CUL2: variants seen among roughly 807,000 people sequenced by gnomAD.
CUL2 encodes the protein cullin-2.
CUL2 carries 22 observed loss-of-function variants against 110.2 expected under a neutral mutation model. The ratio of observed to expected loss-of-function variants is 0.20; its 90% CI spans 0.14 to 0.28. The LOEUF (loss-of-function observed/expected upper bound fraction) is 0.28, where lower values mean the gene tolerates loss of function less well. Ranked by LOEUF, CUL2 falls within the 10% of genes least tolerant of loss-of-function variation. The pLI is 1.00. For missense variants in CUL2, 631 were observed against 905.5 expected (o/e 0.70, Z 3.89); for synonymous variants, 279 against 293.2 (o/e 0.95, Z 0.49).
chr10:35,104,691 A>G (rs943184695), intron 1 of CUL2, among the ~76,000 whole-genome samples: 3 of 152,064 alleles, frequency 2.0e-5, no homozygotes, highest in Admixed American at 1.3e-4. Context: ...AATCCAATAT[A>G]TATTTTTTTA....
chr10:35,113,540 A>G (rs2087551152), intron 1 of CUL2, among the ~76,000 whole-genome samples: 2 of 148,310 alleles, frequency 1.3e-5, no homozygotes, highest in East Asian at 2.0e-4. Context: ...ATTCCGCAAG[A>G]TCCAGTAACT....
In CUL2 at chr10:35,008,933, A is replaced by T. The variant is rs1306326121; in HGVS notation, c.*1378T>A. 1 of 152,020 alleles carries T rather than the reference A, an allele frequency of 6.6e-6. No homozygotes were observed. Among genetic ancestry groups the T allele is most frequent in the Non-Finnish European group, 1.5e-5 (1 of 68,002 alleles). 9.4% of individuals were successfully genotyped at this position (152,020 alleles called of 1,614,324 possible). A position where few individuals can be genotyped will look rare whatever the true frequency, so the allele number is the denominator to read the frequency against. On this transcript the variant is annotated 3_prime_UTR_variant, in exon 21 of 21. Transcript: ENST00000374749. ...ATTTGCTTTAAAATATTCCGATTTT[A>T]AAAATTTTGTGTTGGATGGATGCAG...
chr10:35,040,276 C>T (rs1428072292), intron 8 of CUL2, among the ~76,000 whole-genome samples: 1 of 152,184 alleles, frequency 6.6e-6, no homozygotes, highest in African/African-American at 2.4e-5. Flanking sequence ...CTACAAATAA[C>T]ACTGGTTAAT....
intron 20 of CUL2, among the ~76,000 whole-genome samples, chr10:35,010,687 A>G (rs2084877984): frequency 6.6e-6 from 1 of 151,280 alleles, no homozygotes; most frequent in South Asian, 2.1e-4. Flanking sequence ...CTTCTATTTA[A>G]CTCAACTCTC....
intron 1 of CUL2, among the ~76,000 whole-genome samples, chr10:35,088,925 C>A (rs562681344): frequency 6.6e-6 from 1 of 152,172 alleles, no homozygotes; most frequent in Non-Finnish European, 1.5e-5. Context: ...CCTGTAATCC[C>A]AGCACTTTGG....
chr10:35,086,844 AACT>A (rs2135065349), intron 1 of CUL2, among the ~76,000 whole-genome samples: 1 of 152,348 alleles, frequency 6.6e-6, no homozygotes, highest in Admixed American at 6.5e-5. Context: ...TTCATAACTT[AACT>A]ACTATTTAAC....
At chr10:35,035,384 A>T (rs2085595572) in intron 9 of CUL2, 88 bp from the exon 10 acceptor site, 9 of 1,451,292 alleles carry the variant, frequency 6.2e-6, no homozygotes, top group Non-Finnish European at 8.5e-6. Flanking sequence ...AGTACAATAT[A>T]CGGATCCAAG....
chr10:35,123,577 A>T (rs2087702837), intron 1 of CUL2, among the ~76,000 whole-genome samples: 2 of 152,244 alleles, frequency 1.3e-5, no homozygotes, highest in East Asian at 3.8e-4. Flanking sequence ...AGGCACTTCA[A>T]AATATTTTCT....
At chr10:35,084,640 T>C (rs909862978) in intron 1 of CUL2, among the ~76,000 whole-genome samples, 1 of 152,226 alleles carries the variant, frequency 6.6e-6, no homozygotes, top group African/African-American at 2.4e-5. Context: ...TCACTCTGAA[T>C]AGATATTGTG....
intron 5 of CUL2, among the ~76,000 whole-genome samples, chr10:35,050,191 T>G (rs780156695): frequency 6.6e-5 from 10 of 151,914 alleles, no homozygotes; most frequent in African/African-American, 9.7e-5. Context: ...TGTGGTGGCA[T>G]GCGCCTGTAA....
rs2085030015 is a variant in CUL2 at position 35,016,239 on chromosome 10, T to C, written c.1840A>G (p.Ile614Val). ...QMNEKELTKT[I>V]KSLLDVKMIN... ...ATTTTCACATCAAGTAATGATTTGA[T>C]TGTTTTTGTCAGTTCCTTTTCATTC... The change falls in exon 18 of 21, where the codon ATC becomes GTC. Residue 614 changes from isoleucine to valine, a missense_variant. Ile to Val is a conservative substitution (Grantham distance 29). This residue lies in a region of CUL2 where 159 missense variants were observed against 202.7 expected (regional missense o/e 0.78). Transcript: ENST00000374749. The C allele has an allele frequency of 2.5e-6, 4 of 1,614,104 alleles. No individual in the cohort carries two copies. The highest frequency in any genetic ancestry group is 3.4e-6 in the Non-Finnish European group (4 of 1,179,970).
intron 1 of CUL2, among the ~76,000 whole-genome samples, chr10:35,087,864 C>T (rs2087101402): frequency 8.8e-6 from 1 of 114,036 alleles, no homozygotes; most frequent in Admixed American, 1.1e-4. Flanking sequence ...GTTCCAAAAG[C>T]CTTTTAATGT....
chr10:35,032,319 T>C, intron 12 of CUL2, 116 bp downstream of exon 12: 1 of 836,800 alleles, frequency 1.2e-6, no homozygotes, highest in Non-Finnish European at 1.9e-6. Context: ...TGTAGATAAT[T>C]TTCCTTCTAT....
At chr10:35,071,937 T>C (rs1470083881) in intron 1 of CUL2, among the ~76,000 whole-genome samples, 1 of 152,178 alleles carries the variant, frequency 6.6e-6, no homozygotes, top group Non-Finnish European at 1.5e-5. Flanking sequence ...CCTCATTTAA[T>C]ATTGCGAGGG....
chr10:35,086,689 C>T (rs555344500), intron 1 of CUL2, among the ~76,000 whole-genome samples: 1 of 152,154 alleles, frequency 6.6e-6, no homozygotes, highest in East Asian at 1.9e-4. Flanking sequence ...ATACAAACTC[C>T]AGCCTGGGTG....
At chr10:35,063,194 T>TATTA in intron 2 of CUL2, 132 bp from the exon 3 acceptor site, 1 of 553,118 alleles carries the variant, frequency 1.8e-6, no homozygotes, top group Non-Finnish European at 3.2e-6. Flanking sequence ...CATAATACTG[T>TATTA]TGTATATATG....
Position 35,044,855 on chromosome 10 carries a change from C to T in CUL2, c.520G>A (p.Glu174Lys). ...LREIKNDRGGEDPNQKVIHGV... is the reference protein window; with the variant it reads ...LREIKNDRGGKDPNQKVIHGV... ...TGGATTACTTTCTGGTTTGGGTCTT[C>T]TCCACCACGATCACTAAAACAAGGT... Residue 174 changes from glutamate to lysine, a missense_variant, in exon 7 of 21, where the codon GAA (glutamate) becomes AAA (lysine). Physicochemically the swap from Glu to Lys is moderately conservative, Grantham distance 56 (BLOSUM62 1). Coordinates refer to ENST00000374749, the MANE Select transcript of CUL2 (RefSeq NM_003591.4). 1 of 1,612,336 alleles carries T rather than the reference C, an allele frequency of 6.2e-7. No individual in the cohort carries two copies. The highest frequency in any genetic ancestry group is 8.5e-7 in the Non-Finnish European group (1 of 1,178,826).
At chr10:35,111,453 C>T (rs2087523056) in intron 1 of CUL2, among the ~76,000 whole-genome samples, 1 of 152,014 alleles carries the variant, frequency 6.6e-6, no homozygotes, top group Non-Finnish European at 1.5e-5. Flanking sequence ...GAGATGGAGT[C>T]TCACTATGTT....
At chr10:35,086,488 T>G (rs1671579225) in intron 1 of CUL2, among the ~76,000 whole-genome samples, 1 of 152,056 alleles carries the variant, frequency 6.6e-6, no homozygotes, top group Non-Finnish European at 1.5e-5. Flanking sequence ...GGGTTCGCCA[T>G]GTTGCCCAAG....
Sources: gnomAD v4.1 joint callset for allele counts (sites outside exome capture counted in the v4.1 genomes callset) on GRCh38, gnomAD v4.1.1 for gene constraint, gnomAD v4.1.1 regional missense constraint, MANE v1.5 for transcripts, NCBI Gene and HGNC (gene_info 2026-07-23, HGNC 2026-07-21) for gene names.